SLC35D2: variants seen among roughly 807,000 people sequenced by gnomAD.
SLC35D2 encodes nucleotide sugar transporter SLC35D2.
SLC35D2 carries 43 observed loss-of-function variants against 41.8 expected under a neutral mutation model. The ratio of observed to expected loss-of-function variants is 1.03; its 90% CI spans 0.81 to 1.33. The LOEUF is 1.33. Among genes scored for constraint, SLC35D2 ranks in the 40% most tolerant of loss-of-function variants. The pLI, the probability that SLC35D2 is intolerant of heterozygous loss-of-function variation, is 0.00. For synonymous variants in SLC35D2, 150 were observed against 163.9 expected (o/e 0.92, Z 0.65); for missense variants, 380 against 408.4 (o/e 0.93, Z 0.60).
chr9:96,362,856 G>T (rs558885153), intron 3 of SLC35D2, among the ~76,000 whole-genome samples: 1 of 150,962 alleles, frequency 6.6e-6, no homozygotes, highest in South Asian at 2.1e-4. Flanking sequence ...TCTTTTTCTG[G>T]ATGTCCCTGT....
chr9:96,329,933 T>G (rs1054706682), intron 9 of SLC35D2, among the ~76,000 whole-genome samples: 5 of 152,240 alleles, frequency 3.3e-5, no homozygotes, highest in Admixed American at 1.3e-4. Flanking sequence ...CCCACAATTA[T>G]GGAGGCTAAA....
intron 8 of SLC35D2, among the ~76,000 whole-genome samples, chr9:96,339,756 C>T (rs1829231003): frequency 6.6e-6 from 1 of 152,084 alleles, no homozygotes; most frequent in South Asian, 2.1e-4. Flanking sequence ...TGAGTATTTT[C>T]CAAGGGCCTA....
At chr9:96,356,650 C>T (rs1206294533) in intron 4 of SLC35D2, among the ~76,000 whole-genome samples, 1 of 151,984 alleles carries the variant, frequency 6.6e-6, no homozygotes, top group Non-Finnish European at 1.5e-5. Flanking sequence ...AGGTGGATCC[C>T]GTGGGCCCAG....
At chr9:96,364,369 G>C in intron 3 of SLC35D2, 95 bp downstream of exon 3, 1 of 775,534 alleles carries the variant, frequency 1.3e-6, no homozygotes. Flanking sequence ...AGTGCAGGCA[G>C]GAAGTACAGT....
At chr9:96,351,213 G>A in intron 5 of SLC35D2, 42 bp from the exon 6 acceptor site, 2 of 1,316,270 alleles carry the variant, frequency 1.5e-6, no homozygotes, top group Non-Finnish European at 1.1e-6. Flanking sequence ...GGAGCAGAGA[G>A]GAAAACATTG....
chr9:96,356,220 T>C (rs1361584666), intron 4 of SLC35D2, among the ~76,000 whole-genome samples: 2 of 152,228 alleles, frequency 1.3e-5, no homozygotes, highest in Non-Finnish European at 2.9e-5. Flanking sequence ...CAGATGCAGA[T>C]GCTGGCGCCA....
intron 9 of SLC35D2, 110 bp from the exon 10 acceptor site, chr9:96,324,279 G>A (rs1312838609): frequency 5.3e-6 from 4 of 748,434 alleles, no homozygotes; most frequent in Non-Finnish European, 8.8e-6. Flanking sequence ...GAAGAAAAAA[G>A]AAACACATAT....
chr9:96,373,695 A>C (rs1024161418), intron 1 of SLC35D2, among the ~76,000 whole-genome samples: 4 of 151,964 alleles, frequency 2.6e-5, no homozygotes, highest in Non-Finnish European at 5.9e-5. Context: ...CAAAAAAAAA[A>C]AAAAAAACAA....
intron 3 of SLC35D2, among the ~76,000 whole-genome samples, chr9:96,361,216 T>C (rs1311469771): frequency 1.3e-5 from 2 of 152,226 alleles, no homozygotes; most frequent in Non-Finnish European, 2.9e-5. Flanking sequence ...CTCTGATAGA[T>C]ACATTCCTCA....
At chr9:96,365,253 G>A (rs757900057) in intron 2 of SLC35D2, among the ~76,000 whole-genome samples, 3 of 151,952 alleles carry the variant, frequency 2.0e-5, no homozygotes, top group Non-Finnish European at 4.4e-5. Context: ...GGGATACCGA[G>A]GTAGGAGGAC....
At chr9:96,339,304 T>A (rs1829201760) in intron 8 of SLC35D2, among the ~76,000 whole-genome samples, 1 of 152,160 alleles carries the variant, frequency 6.6e-6, no homozygotes, top group African/African-American at 2.4e-5. Flanking sequence ...AGAGACAGGT[T>A]TTCACCATGT....
chr9:96,364,182 A>C (rs1190651666), intron 3 of SLC35D2, among the ~76,000 whole-genome samples: 1 of 152,068 alleles, frequency 6.6e-6, no homozygotes, highest in African/African-American at 2.4e-5. Flanking sequence ...CAAAACAAAA[A>C]AAATTAGCTG....
intron 8 of SLC35D2, among the ~76,000 whole-genome samples, chr9:96,340,650 A>T (rs1394373156): frequency 7.4e-6 from 1 of 135,368 alleles, no homozygotes; most frequent in East Asian, 2.2e-4. Flanking sequence ...AAAAAAAAAA[A>T]CTAGTCAAAT....
chr9:96,336,931 G>T (rs944425067), intron 8 of SLC35D2, 147 bp from the exon 9 acceptor site: 22 of 562,328 alleles, frequency 3.9e-5, no homozygotes, highest in Non-Finnish European at 6.4e-5. Flanking sequence ...ACTAGTTGTG[G>T]GACATTGGGC....
chr9:96,382,018 G>C (rs762518427), intron 1 of SLC35D2, among the ~76,000 whole-genome samples: 14 of 152,134 alleles, frequency 9.2e-5, no homozygotes, highest in South Asian at 2.1e-4. Flanking sequence ...TTTATTTTCT[G>C]TCTCCACCAC....
intron 4 of SLC35D2, among the ~76,000 whole-genome samples, chr9:96,352,636 T>G (rs1829856001): frequency 6.6e-6 from 1 of 152,144 alleles, no homozygotes; most frequent in South Asian, 2.1e-4. Flanking sequence ...CTTGGCAATT[T>G]AAGACACCGT....
At chr9:96,350,947 T>C (rs752737312) in intron 6 of SLC35D2, 156 bp downstream of exon 6, 13 of 560,350 alleles carry the variant, frequency 2.3e-5, no homozygotes, top group Admixed American at 6.1e-5. Context: ...TTGACTTTCA[T>C]AGGAACACAT....
chr9:96,358,071 T>TATATAA, intron 4 of SLC35D2, among the ~76,000 whole-genome samples: 1 of 120,850 alleles, frequency 8.3e-6, no homozygotes, highest in African/African-American at 3.2e-5. Flanking sequence ...AAACAAAATA[T>TATATAA]TATATATTTT....
intron 2 of SLC35D2, among the ~76,000 whole-genome samples, chr9:96,367,219 C>CAAAAAAAA (rs1171888357): frequency 1.1e-4 from 8 of 70,972 alleles, no homozygotes; most frequent in Admixed American, 1.7e-4. Context: ...GACTCAGTCA[C>CAAAAAAAA]AAAAAAAAAA....
Sources: gnomAD v4.1 joint callset for allele counts (sites outside exome capture counted in the v4.1 genomes callset) on GRCh38, gnomAD v4.1.1 for gene constraint, MANE v1.5 for transcripts, NCBI Gene and HGNC (gene_info 2026-07-23, HGNC 2026-07-21) for gene names.